CNTNAP5: variants seen among roughly 807,000 people sequenced by gnomAD.
The protein encoded by CNTNAP5 is contactin-associated protein-like 5.
CNTNAP5 carries 72 observed loss-of-function variants against 150.2 expected under a neutral mutation model. The ratio of observed to expected loss-of-function variants is 0.48; its 90% confidence interval spans 0.40 to 0.58. CNTNAP5 has a LOEUF of 0.58. Ranked by LOEUF, CNTNAP5 falls within the 20% of genes least tolerant of loss-of-function variation. CNTNAP5 has a pLI of 0.00. For missense variants in CNTNAP5, 1,636 were observed against 1,626.2 expected, an observed-to-expected ratio of 1.01 and a Z score of -0.10; for synonymous variants, 672 against 619.8, an observed-to-expected ratio of 1.08 and a Z score of -1.25.
chr2:124,085,911 C>G (rs1336196735), intron 1 of CNTNAP5, among the ~76,000 whole-genome samples: 2 of 151,992 alleles, frequency 1.3e-5, no homozygotes, highest in Non-Finnish European at 2.9e-5. Flanking sequence ...GTTTAGTGGC[C>G]CACAATATGG....
intron 1 of CNTNAP5, among the ~76,000 whole-genome samples, chr2:124,210,809 T>A (rs894180039): frequency 6.6e-6 from 1 of 152,198 alleles, no homozygotes; most frequent in Non-Finnish European, 1.5e-5. Flanking sequence ...GTTTATAATC[T>A]TCAAAACATG....
intron 14 of CNTNAP5, among the ~76,000 whole-genome samples, chr2:124,756,683 T>C (rs903221163): frequency 1.3e-5 from 2 of 152,108 alleles, no homozygotes; most frequent in Non-Finnish European, 2.9e-5. Flanking sequence ...AAATACTGCA[T>C]CTTCTCACTT....
rs7575638 is a variant in CNTNAP5 at position 124,527,123 on chromosome 2, C to A, written c.1478-162C>A. ...ATACCCTATTTTGTACCAATTCTGT[C>A]CCCTCCCTGAGAATGCTAGGATTTA... is the stretch of plus-strand genomic sequence containing the variant. On this transcript the variant is annotated intron_variant, in intron 9 of 23. Coordinates refer to ENST00000682447, the MANE Select transcript of CNTNAP5 (RefSeq NM_001367498.1). 6.8e-3 allele frequency among the ~76,000 whole-genome samples: 1,039 copies of A among 152,218 alleles called. 11 individuals are homozygous for A. The highest frequency in any genetic ancestry group is 0.023 in the African/African-American group (940 of 41,546).
At chr2:124,129,681 T>C (rs1016885316) in intron 1 of CNTNAP5, among the ~76,000 whole-genome samples, 15 of 152,172 alleles carry the variant, frequency 9.9e-5, no homozygotes, top group African/African-American at 3.6e-4. Context: ...AATAGGCACA[T>C]CTTGCCCCAA....
At chr2:124,704,278 G>A (rs1321991283) in intron 13 of CNTNAP5, among the ~76,000 whole-genome samples, 1 of 152,150 alleles carries the variant, frequency 6.6e-6, no homozygotes, top group Non-Finnish European at 1.5e-5. Flanking sequence ...GGCCCGCAGA[G>A]GGGCTTTGCC....
intron 1 of CNTNAP5, among the ~76,000 whole-genome samples, chr2:124,151,027 G>C (rs1684394064): frequency 6.6e-6 from 1 of 152,138 alleles, no homozygotes; most frequent in Non-Finnish European, 1.5e-5. Flanking sequence ...GAATAACAGG[G>C]ACACGGTATG....
At chr2:124,263,874 A>C (rs1370087367) in intron 3 of CNTNAP5, among the ~76,000 whole-genome samples, 1 of 152,148 alleles carries the variant, frequency 6.6e-6, no homozygotes, top group Non-Finnish European at 1.5e-5. Flanking sequence ...TATGGCAGCC[A>C]GTTTTCCCAG....
chr2:124,255,599 A>T (rs1687294034), intron 3 of CNTNAP5, among the ~76,000 whole-genome samples: 4 of 76,428 alleles, frequency 5.2e-5, no homozygotes, highest in South Asian at 1.4e-3. Flanking sequence ...ATTTTTTTTT[A>T]AAAAGTAAAT....
At chr2:124,881,277 A>G (rs1001283227) in intron 21 of CNTNAP5, among the ~76,000 whole-genome samples, 1 of 152,104 alleles carries the variant, frequency 6.6e-6, no homozygotes, top group African/African-American at 2.4e-5. Flanking sequence ...TACGAAAGAG[A>G]TAGCAATGGA....
intron 3 of CNTNAP5, among the ~76,000 whole-genome samples, chr2:124,410,862 C>G (rs919540345): frequency 4.7e-5 from 7 of 149,728 alleles, no homozygotes; most frequent in African/African-American, 1.7e-4. Flanking sequence ...TAGCAGAAGG[C>G]AAGAAATAAC....
At chr2:124,063,937 C>T (rs986739972) in intron 1 of CNTNAP5, among the ~76,000 whole-genome samples, 1 of 152,118 alleles carries the variant, frequency 6.6e-6, no homozygotes, top group East Asian at 1.9e-4. Flanking sequence ...GCTATACTTT[C>T]TGAGAAAGAG....
At chr2:124,758,831 C>T (rs912367851) in intron 14 of CNTNAP5, among the ~76,000 whole-genome samples, 11 of 151,988 alleles carry the variant, frequency 7.2e-5, no homozygotes, top group African/African-American at 2.7e-4. Context: ...AGATGAGATT[C>T]AGGATAAAAT....
intron 19 of CNTNAP5, among the ~76,000 whole-genome samples, chr2:124,819,211 T>C (rs1022563432): frequency 2.0e-5 from 3 of 152,194 alleles, no homozygotes; most frequent in African/African-American, 4.8e-5. Flanking sequence ...CAAACCTTAA[T>C]GTAAGCTTTG....
chr2:124,231,026 G>T (rs755923759), intron 2 of CNTNAP5, among the ~76,000 whole-genome samples: 5 of 152,090 alleles, frequency 3.3e-5, no homozygotes, highest in Admixed American at 6.6e-5. Context: ...GTCGAATTGT[G>T]TATGGTGGGT....
At chr2:124,752,025 C>G (rs1394560293) in intron 14 of CNTNAP5, among the ~76,000 whole-genome samples, 1 of 152,012 alleles carries the variant, frequency 6.6e-6, no homozygotes, top group Non-Finnish European at 1.5e-5. Context: ...TCTAAGGATG[C>G]CCTTAATGAT....
At chr2:124,160,535 T>G (rs1308311076) in intron 1 of CNTNAP5, among the ~76,000 whole-genome samples, 1 of 151,914 alleles carries the variant, frequency 6.6e-6, no homozygotes, top group South Asian at 2.1e-4. Flanking sequence ...TTTTTTTTTT[T>G]TAAAGTTAAG....
At chr2:124,548,636 C>T (rs566597782) in intron 10 of CNTNAP5, among the ~76,000 whole-genome samples, 24 of 151,460 alleles carry the variant, frequency 1.6e-4, no homozygotes, top group African/African-American at 5.6e-4. Context: ...GAAAAAAAAA[C>T]AAAACAGTTA....
At chr2:124,827,555 G>A (rs544161019) in intron 19 of CNTNAP5, among the ~76,000 whole-genome samples, 1 of 152,304 alleles carries the variant, frequency 6.6e-6, no homozygotes, top group Non-Finnish European at 1.5e-5. Context: ...CCACATGACA[G>A]ACAGCAGCGC....
intron 3 of CNTNAP5, among the ~76,000 whole-genome samples, chr2:124,324,051 AT>A (rs1558850931): frequency 6.6e-6 from 1 of 152,194 alleles, no homozygotes; most frequent in South Asian, 2.1e-4. Context: ...ATTCATTAAT[AT>A]TCATTAATTT....
Sources: allele counts gnomAD v4.1 joint callset (sites outside exome capture counted in the v4.1 genomes callset), GRCh38; gene constraint gnomAD v4.1.1; transcripts MANE v1.5; gene names NCBI Gene and HGNC (gene_info 2026-07-23, HGNC 2026-07-21).